The following ENDOV variants were observed in gnomAD, a reference collection of about 807,000 sequenced individuals.
The protein encoded by ENDOV is endonuclease V.
In ENDOV, 37 loss-of-function variants were observed where a neutral mutation model predicts 39.4. That is an observed-to-expected ratio of 0.94 (90% CI 0.72 to 1.23). The LOEUF is 1.23. Ranked by LOEUF, ENDOV falls within the 50% of genes most tolerant of loss-of-function variation. The pLI is 0.00. For missense variants in ENDOV, 441 were observed against 375.7 expected (o/e 1.17, Z -1.44); for synonymous variants, 186 against 163.4 (o/e 1.14, Z -1.05).
chr17:80,415,174 A>AG lies in ENDOV; in HGVS notation c.-17dup, dbSNP rs1455574245. 2.0e-5 allele frequency: 32 copies of AG among 1,610,858 alleles called. No individual in the cohort carries two copies. The highest frequency in any genetic ancestry group is 3.3e-5 in the Admixed American group (2 of 59,856). On this transcript the variant is annotated 5_prime_UTR_variant, in exon 1 of 10. Transcript: ENST00000518137. ...GTCGCTTCCGGAAGTGACGTGCGGA[A>AG]GGGGTGCCCGGGACGAAGCCATGGC...
chr17:80,424,553 C>T (rs1568230910), intron 5 of ENDOV, among the ~76,000 whole-genome samples: 1 of 152,226 alleles, frequency 6.6e-6, no homozygotes, highest in Non-Finnish European at 1.5e-5. Flanking sequence ...ACCACTTCAC[C>T]GCCTGCACGC....
intron 9 of ENDOV, among the ~76,000 whole-genome samples, chr17:80,432,170 A>C (rs764677806): frequency 6.6e-6 from 1 of 152,158 alleles, no homozygotes; most frequent in Non-Finnish European, 1.5e-5. Flanking sequence ...CACCGGGAAC[A>C]TGAACACCTG....
chr17:80,421,949 G>T lies in ENDOV; in HGVS notation c.350G>T (p.Gly117Val). Reference sequence around the variant, plus strand: ...CAGCAGCTGCGGGAGAAGGAGCCGGGCCTCATGCCCCAGGCAGGTGTCTCA... The same window carrying T: ...CAGCAGCTGCGGGAGAAGGAGCCGGTCCTCATGCCCCAGGCAGGTGTCTCA... ...LVQQLREKEP[G>V]LMPQVLLVDG... Residue 117 changes from glycine to valine, a missense_variant, in exon 3 of 10, where the codon GGC (glycine) becomes GTC (valine). Gly to Val is a moderately radical substitution (Grantham distance 109, BLOSUM62 -3). Transcript: ENST00000518137. 1 of 1,609,356 alleles carries T rather than the reference G, an allele frequency of 6.2e-7. No homozygotes were observed.
At position 80,437,924 on chromosome 17, in the gene ENDOV, T is replaced by C. The variant is rs1397304161; in HGVS notation, c.*1781T>C. On this transcript the variant is annotated 3_prime_UTR_variant, in exon 10 of 10. Transcript: ENST00000518137. ...AACTTCGGAGCCAGCTGGATGGATG[T>C]GACTGTGCAGGTCCTGAGCCCCGGC... The C allele has an allele frequency of 6.6e-6, 1 of 152,208 alleles. No individual in the cohort carries two copies. Among genetic ancestry groups the C allele is most frequent in the African/African-American group, 2.4e-5 (1 of 41,440 alleles). 9.4% of individuals were successfully genotyped at this position (152,208 alleles called of 1,614,324 possible). A position where few individuals can be genotyped will look rare whatever the true frequency, so the allele number is the denominator to read the frequency against.
chr17:80,422,395 G>A (rs542569410), intron 4 of ENDOV, 150 bp downstream of exon 4: 35 of 942,812 alleles, frequency 3.7e-5, no homozygotes, highest in African/African-American at 3.2e-4. Flanking sequence ...ACGGGGACGC[G>A]CAGTGCGCTC....
At chr17:80,427,938 A>G (rs2145076132) in intron 7 of ENDOV, 1 of 1,154,974 alleles carries the variant, frequency 8.7e-7, no homozygotes, top group Non-Finnish European at 1.1e-6. Flanking sequence ...GTTGCTTTCC[A>G]TGAGTCGTGC....
intron 2 of ENDOV, chr17:80,419,693 G>C (rs2081726257): frequency 1.4e-6 from 1 of 701,970 alleles, no homozygotes; most frequent in African/African-American, 1.7e-5. Context: ...GTCCCAAGAG[G>C]CTGCGATGAC....
rs530968700 is a variant in ENDOV at position 80,425,811 on chromosome 17, G to A, written c.714+191G>A. Among the ~76,000 whole-genome samples, 3 of 152,238 alleles carry A rather than the reference G, an allele frequency of 2.0e-5. No homozygotes were observed. In the South Asian group the frequency reaches 6.2e-4, roughly 32 times the overall value. On this transcript the variant is annotated intron_variant, in intron 7 of 9. Coordinates refer to ENST00000518137, the MANE Select transcript of ENDOV (RefSeq NM_173627.5). The stretch of plus-strand genomic sequence containing the variant: ...GGCCCTGCAGTCAGGACAGTAGACT[G>A]GGGGGTGCAGGGCTCCCAAGAGTTC...
chr17:80,427,567 C>T lies in ENDOV; in HGVS notation c.715-1029C>T, dbSNP rs1025977045. On this transcript the variant is annotated intron_variant, in intron 7 of 9. Coordinates refer to ENST00000518137, the MANE Select transcript of ENDOV (RefSeq NM_173627.5). ...ATGCAGCCACCCCGTACCAGGAGCCCGCAGCTTCTTACTGTTGGGCGTGAG... is the reference window on the plus strand; with the variant it reads ...ATGCAGCCACCCCGTACCAGGAGCCTGCAGCTTCTTACTGTTGGGCGTGAG... The T allele has an allele frequency of 4.1e-5, 44 of 1,069,750 alleles. 1 individual carries two copies. Among genetic ancestry groups the T allele is most frequent in the Middle Eastern group, 2.6e-4 (1 of 3,804 alleles). 66.3% of individuals were successfully genotyped at this position (1,069,750 alleles called of 1,614,324 possible). A position where few individuals can be genotyped will look rare whatever the true frequency, so the allele number is the denominator to read the frequency against.
intron 1 of ENDOV, 94 bp from the exon 2 acceptor site, chr17:80,415,556 C>T (rs1427509675): frequency 5.5e-5 from 79 of 1,446,002 alleles, no homozygotes; most frequent in Non-Finnish European, 7.2e-5. Flanking sequence ...GGAGAAGACC[C>T]GGCAGAGGCG....
intron 1 of ENDOV, 115 bp downstream of exon 1, chr17:80,415,365 T>C (rs1360184821): frequency 1.5e-5 from 20 of 1,304,694 alleles, no homozygotes; most frequent in African/African-American, 5.9e-5. Flanking sequence ...CGCCCGAGAC[T>C]CCAAAGCAAA....
At chr17:80,425,708 G>A in intron 7 of ENDOV, 88 bp downstream of exon 7, 1 of 1,522,752 alleles carries the variant, frequency 6.6e-7, no homozygotes. Context: ...GCTCAGCTGG[G>A]GTCAGAGTGC....
intron 2 of ENDOV, chr17:80,419,709 GCTT>G (rs1568213286): frequency 1.4e-6 from 1 of 701,332 alleles, no homozygotes; most frequent in Non-Finnish European, 2.6e-6. Flanking sequence ...ATGACGTCCA[GCTT>G]CTTCACTGGT....
At chr17:80,435,510 A>T (rs1187521387) in intron 9 of ENDOV, among the ~76,000 whole-genome samples, 1 of 152,162 alleles carries the variant, frequency 6.6e-6, no homozygotes, top group Non-Finnish European at 1.5e-5. Context: ...ACTGGAGTGC[A>T]GGGGTGTGAT....
rs187111921 is a variant in ENDOV, at chr17:80,436,227, C to A, written c.*84C>A. ...CACACGTCCTCGTCTCGTTCCTGAT[C>A]GAACGCGGTGGTGAGAGCACACATC... On this transcript the variant is annotated 3_prime_UTR_variant, in exon 10 of 10. Transcript: ENST00000518137. 274 of 1,537,478 alleles carry A rather than the reference C, an allele frequency of 1.8e-4. 1 individual carries two copies. The highest frequency in any genetic ancestry group is 6.8e-4 in the Middle Eastern group (4 of 5,840).
At chr17:80,427,451 T>A in intron 7 of ENDOV, 1 of 985,308 alleles carries the variant, frequency 1.0e-6, no homozygotes, top group Non-Finnish European at 1.2e-6. Context: ...CATCTAGAAA[T>A]AGAGCAAGGA....
intron 9 of ENDOV, among the ~76,000 whole-genome samples, chr17:80,433,530 C>T (rs1285011011): frequency 2.0e-5 from 3 of 152,250 alleles, no homozygotes; most frequent in Non-Finnish European, 4.4e-5. Context: ...TGCCCCCTTC[C>T]TCTGGAGCCA....
intron 2 of ENDOV, chr17:80,419,915 G>T: frequency 1.9e-6 from 1 of 517,748 alleles, no homozygotes; most frequent in Non-Finnish European, 3.5e-6. Flanking sequence ...TGTTGAGATT[G>T]CTGGTCATCC....
intron 1 of ENDOV, 174 bp from the exon 2 acceptor site, chr17:80,415,476 C>A: frequency 9.7e-7 from 1 of 1,029,748 alleles, no homozygotes; most frequent in Non-Finnish European, 1.4e-6. Context: ...TGCGCTTGCG[C>A]GGGTCTCCGC....
Sources: allele counts gnomAD v4.1 joint callset (sites outside exome capture counted in the v4.1 genomes callset), GRCh38; gene constraint gnomAD v4.1.1; transcripts MANE v1.5; gene names NCBI Gene and HGNC (gene_info 2026-07-23, HGNC 2026-07-21).